RBBP8: variants seen among roughly 807,000 people sequenced by gnomAD.
RBBP8 encodes the protein DNA endonuclease RBBP8.
A neutral mutation model predicts 108.3 loss-of-function variants in RBBP8; 88 were observed. The observed-to-expected ratio is 0.81, with a 90% confidence interval of 0.68 to 0.97. RBBP8 has a LOEUF of 0.97. RBBP8 is among the 50% of genes least tolerant of loss of function. The probability of loss-of-function intolerance (pLI) is 0.00; values close to 1 mark genes in which losing one functional copy is unlikely to be tolerated. For missense variants in RBBP8, 1,023 were observed against 1,049.0 expected, an observed-to-expected ratio of 0.98 and a Z score of 0.34; for synonymous variants, 332 against 348.2, an observed-to-expected ratio of 0.95 and a Z score of 0.52.
chr18:23,024,794 TTTTTAATTAA>T (rs1273605914), intron 18 of RBBP8: 1 of 152,264 alleles, frequency 6.6e-6, no homozygotes, highest in Non-Finnish European at 1.5e-5. Flanking sequence ...ATGATTTGAC[TTTTTAATTAA>T]TTAGTAGCCT....
chr18:22,920,610 T>C (rs1909554698), intron 3 of RBBP8, among the ~76,000 whole-genome samples: 2 of 152,220 alleles, frequency 1.3e-5, no homozygotes, highest in Non-Finnish European at 2.9e-5. Flanking sequence ...CATGAAAATA[T>C]TTTAAATCTA....
chr18:23,026,054 C>A, intron 18 of RBBP8, 89 bp from the exon 19 acceptor site: 1 of 1,007,786 alleles, frequency 9.9e-7, no homozygotes, highest in Non-Finnish European at 1.5e-6. Context: ...ACTTACAAAG[C>A]ATCAAATAAG....
chr18:22,992,928 T>C lies in RBBP8; in HGVS notation c.1101T>C (p.Thr367=). 6.2e-7 allele frequency: 1 copy of C among 1,613,820 alleles called. No homozygotes were observed. Among genetic ancestry groups the C allele is most frequent in the Non-Finnish European group, 8.5e-7 (1 of 1,179,776 alleles). The change falls in exon 11 of 19, where the codon ACT becomes ACC. Residue 367 remains threonine, a synonymous_variant. Transcript: ENST00000327155. ...TGAAAACACTCCCTTTTAGCAACACTTGTATATCTAGATTAGAAAAAACTA... is the reference window on the plus strand; with the variant it reads ...TGAAAACACTCCCTTTTAGCAACACCTGTATATCTAGATTAGAAAAAACTA... ...KHLKTLPFSN[T]CISRLEKTRS... is the part of the protein sequence containing the mutation.
intron 4 of RBBP8, among the ~76,000 whole-genome samples, chr18:22,967,841 G>A (rs1216505613): frequency 6.6e-6 from 1 of 151,620 alleles, no homozygotes; most frequent in Admixed American, 6.6e-5. Flanking sequence ...AGAGACAGGG[G>A]TTTCACTGTG....
intron 4 of RBBP8, among the ~76,000 whole-genome samples, chr18:22,954,199 A>G (rs1376604308): frequency 6.6e-6 from 1 of 152,148 alleles, no homozygotes; most frequent in African/African-American, 2.4e-5. Context: ...CTAGAATCTT[A>G]ACTCATTACA....
chr18:22,993,328 C>G lies in RBBP8; in HGVS notation c.1501C>G (p.Gln501Glu). The G allele has an allele frequency of 6.2e-7, 1 of 1,614,214 alleles. No homozygotes were observed. The highest frequency in any genetic ancestry group is 8.5e-7 in the Non-Finnish European group (1 of 1,180,036). The change falls in exon 11 of 19, where the codon CAG (glutamine) becomes GAG (glutamate). Residue 501 changes from glutamine (Q) to glutamate (E), a missense_variant. Gln to Glu is a conservative substitution (Grantham distance 29, BLOSUM62 2). Transcript: ENST00000327155. ...TCTGTCTGATCGATTTTCAGCTATT[C>G]AGCGTCAAGAGAAAAGCCAAGGAAG... The part of the protein sequence containing the change: ...LDLSDRFSAI[Q>E]RQEKSQGSET...
upstream of RBBP8, chr18:22,933,275 GCGC>G (rs1910156277): frequency 6.6e-6 from 1 of 152,192 alleles, no homozygotes; most frequent in Non-Finnish European, 1.5e-5. Context: ...GGCACGAAGT[GCGC>G]CGCCGCGATG....
intron 9 of RBBP8, among the ~76,000 whole-genome samples, chr18:22,989,975 T>C (rs1915568939): frequency 6.6e-6 from 1 of 152,226 alleles, no homozygotes; most frequent in Non-Finnish European, 1.5e-5. Context: ...AGCTGTACTC[T>C]TATTAAGTTG....
At chr18:22,937,454 A>C (rs2144400666) in intron 2 of RBBP8, among the ~76,000 whole-genome samples, 1 of 148,506 alleles carries the variant, frequency 6.7e-6, no homozygotes, top group East Asian at 2.0e-4. Flanking sequence ...AATTTTGTAC[A>C]TTTAATGGCC....
At chr18:22,928,756 G>A (rs189720060), upstream of RBBP8, among the ~76,000 whole-genome samples, 12 of 150,728 alleles carry the variant, frequency 8.0e-5, no homozygotes, top group South Asian at 2.1e-4. Context: ...CACAACCTCC[G>A]CCTCCTGGGT....
In RBBP8 at chr18:22,985,881, TAAG is replaced by T. The variant is rs529587162; in HGVS notation, c.709+898_709+900del. The stretch of plus-strand genomic sequence containing the variant: ...CCAAGCAAGTGATAATAGATGGGGA[TAAG>T]AAGAAGTCCAAGTATTGAGCCTTGG... On this transcript the variant is annotated intron_variant, in intron 8 of 18. Transcript: ENST00000327155. 2.0e-4 allele frequency among the ~76,000 whole-genome samples: 31 copies of T among 152,198 alleles called. No homozygotes were observed. In the East Asian group the frequency reaches 5.2e-3, roughly 26 times the overall value.
chr18:22,931,256 C>A (rs1910014653), upstream of RBBP8, among the ~76,000 whole-genome samples: 1 of 151,972 alleles, frequency 6.6e-6, no homozygotes, highest in Non-Finnish European at 1.5e-5. Flanking sequence ...GAACTCCAGG[C>A]AGAGACAATA....
At chr18:22,944,021 T>TA (rs1236160322) in intron 2 of RBBP8, among the ~76,000 whole-genome samples, 1 of 152,204 alleles carries the variant, frequency 6.6e-6, no homozygotes, top group Non-Finnish European at 1.5e-5. Flanking sequence ...TTGCCAGTGT[T>TA]ACAATCCCAG....
chr18:23,002,239 A>G (rs543194876), intron 15 of RBBP8, among the ~76,000 whole-genome samples: 1 of 152,166 alleles, frequency 6.6e-6, no homozygotes, highest in South Asian at 2.1e-4. Flanking sequence ...CAATGTGATA[A>G]AACCTCATTT....
chr18:23,001,639 C>G lies in RBBP8; in HGVS notation c.2197C>G (p.His733Asp), dbSNP rs1376199588. 1 of 1,614,032 alleles carries G rather than the reference C, an allele frequency of 6.2e-7. No individual in the cohort carries two copies. The highest frequency in any genetic ancestry group is 1.7e-5 in the Admixed American group (1 of 60,008). ...SLEDMFDRTTHEEYESCLADS... is the reference protein window; with the variant it reads ...SLEDMFDRTTDEEYESCLADS... ...GGAAGATATGTTTGATCGGACAACACATGAAGAGTATGAATCCTGTTTGGC... is the reference window on the plus strand; with the variant it reads ...GGAAGATATGTTTGATCGGACAACAGATGAAGAGTATGAATCCTGTTTGGC... The change falls in exon 15 of 19, where the codon CAT (histidine) becomes GAT (aspartate). Residue 733 changes from histidine to aspartate, a missense_variant. Physicochemically the swap from His to Asp is moderately conservative, Grantham distance 81. Transcript: ENST00000327155.
intron 4 of RBBP8, among the ~76,000 whole-genome samples, chr18:22,957,258 A>T (rs1912637388): frequency 1.4e-5 from 2 of 143,650 alleles, no homozygotes; most frequent in Non-Finnish European, 3.0e-5. Flanking sequence ...CTGCTGTCAC[A>T]GTATGAATTA....
chr18:22,951,903 G>A (rs1476360490), intron 4 of RBBP8, among the ~76,000 whole-genome samples: 2 of 152,216 alleles, frequency 1.3e-5, no homozygotes, highest in Admixed American at 6.5e-5. Context: ...CCTAAACACA[G>A]GAGCTTCTGT....
Position 22,989,205 on chromosome 18 carries a change from T to A in RBBP8, c.710-16T>A. The A allele has an allele frequency of 6.5e-7, 1 of 1,550,332 alleles. No individual in the cohort carries two copies. Among genetic ancestry groups the A allele is most frequent in the Admixed American group, 1.7e-5 (1 of 59,756 alleles). On this transcript the variant is annotated splice_polypyrimidine_tract_variant and intron_variant, in intron 8 of 18. Coordinates refer to ENST00000327155, the MANE Select transcript of RBBP8 (RefSeq NM_002894.3). The stretch of plus-strand genomic sequence containing the variant: ...GGTTTTATTATTTATTAAAATGGTT[T>A]ATTATTTATTCTTAGAAGCACATGG...
rs1370981835 is a variant in RBBP8, at chr18:22,993,546, A to G, written c.1719A>G (p.Pro573=). 3.1e-6 allele frequency: 5 copies of G among 1,613,456 alleles called. No homozygotes were observed. Among genetic ancestry groups the G allele is most frequent in the South Asian group, 2.2e-5 (2 of 90,960 alleles). ...ATAAATGCTCTCCAGACAATAAACC[A>G]TCATTACAAATAAAAGAAGAAAATG... The part of the protein sequence containing the change: ...PLNKCSPDNK[P]SLQIKEENAV... The change falls in exon 11 of 19, where the codon CCA becomes CCG. Residue 573 remains proline, a synonymous_variant. Coordinates refer to ENST00000327155, the MANE Select transcript of RBBP8 (RefSeq NM_002894.3).
Sources: gnomAD v4.1 joint callset for allele counts (sites outside exome capture counted in the v4.1 genomes callset) on GRCh38, gnomAD v4.1.1 for gene constraint, MANE v1.5 for transcripts, NCBI Gene and HGNC (gene_info 2026-07-23, HGNC 2026-07-21) for gene names.